Variants in LRRC2 observed in about 807,000 individuals in gnomAD.
LRRC2 encodes the protein leucine rich repeat containing 2, also known as leucine-rich repeat-containing protein 2.
In LRRC2, 27 loss-of-function variants were observed where a neutral mutation model predicts 40.2. That is an observed-to-expected ratio of 0.67 (90% CI 0.49 to 0.93). The LOEUF is 0.93. Among genes scored for constraint, LRRC2 ranks in the 40% least tolerant of loss-of-function variants. The pLI is 0.00. For synonymous variants in LRRC2, 147 were observed against 158.9 expected (o/e 0.92, Z 0.56); for missense variants, 402 against 439.6 (o/e 0.91, Z 0.76).
intron 8 of LRRC2, 84 bp from the exon 9 acceptor site, chr3:46,519,147 T>A: frequency 2.2e-6 from 2 of 892,814 alleles, no homozygotes; most frequent in Non-Finnish European, 3.8e-6. Flanking sequence ...ACATAATGAA[T>A]GTATGTCAAT....
At chr3:46,531,885 G>T (rs1385807899) in intron 5 of LRRC2, among the ~76,000 whole-genome samples, 1 of 152,138 alleles carries the variant, frequency 6.6e-6, no homozygotes, top group Non-Finnish European at 1.5e-5. Context: ...ATTACCAGTA[G>T]GATTGTGAGA....
chr3:46,551,751 C>CTTTTTTTTTTTTTTTTTTTTTTTTT (rs748541390), intron 1 of LRRC2, 141 bp from the exon 2 acceptor site: 1 of 133,972 alleles, frequency 7.5e-6, no homozygotes, highest in African/African-American at 5.3e-5. Flanking sequence ...TGACAGTTTG[C>CTTTTTTTTTTTTTTTTTTTTTTTTT]TTTTTTTTTT....
chr3:46,551,751 C>CT (rs748541390), intron 1 of LRRC2, 141 bp from the exon 2 acceptor site: 30,751 of 137,894 alleles, frequency 0.22, 4,642 homozygotes, highest in African/African-American at 0.36. Context: ...TGACAGTTTG[C>CT]TTTTTTTTTT....
chr3:46,537,016 C>A (rs1704280754), intron 4 of LRRC2, among the ~76,000 whole-genome samples: 1 of 152,188 alleles, frequency 6.6e-6, no homozygotes, highest in South Asian at 2.1e-4. Context: ...TTGCTGCCAA[C>A]CACTGGATTC....
intron 1 of LRRC2, among the ~76,000 whole-genome samples, chr3:46,562,440 A>AT (rs1244441665): frequency 6.6e-6 from 1 of 152,204 alleles, no homozygotes; most frequent in Non-Finnish European, 1.5e-5. Context: ...GAGATAATAA[A>AT]TGTGTGTTAT....
chr3:46,541,372 A>G (rs1704388173), intron 3 of LRRC2, among the ~76,000 whole-genome samples: 1 of 151,940 alleles, frequency 6.6e-6, no homozygotes. Context: ...AAATATTAGG[A>G]TATCAAATGA....
intron 4 of LRRC2, among the ~76,000 whole-genome samples, chr3:46,537,292 G>T (rs920373645): frequency 2.6e-5 from 4 of 152,156 alleles, no homozygotes; most frequent in African/African-American, 9.7e-5. Context: ...TAGAGATGGG[G>T]TTTTGCCATG....
At chr3:46,558,398 T>C (rs1279430219) in intron 1 of LRRC2, 1 of 152,246 alleles carries the variant, frequency 6.6e-6, no homozygotes, top group Admixed American at 6.5e-5. Flanking sequence ...AATTCCAACC[T>C]GCCTTCTGTG....
At chr3:46,537,846 G>A (rs576539380) in intron 4 of LRRC2, among the ~76,000 whole-genome samples, 17 of 152,340 alleles carry the variant, frequency 1.1e-4, no homozygotes, top group African/African-American at 3.4e-4. Flanking sequence ...GATGTGAGTT[G>A]CACTTACAGC....
At chr3:46,539,297 A>G in intron 3 of LRRC2, 96 bp from the exon 4 acceptor site, 1 of 1,193,172 alleles carries the variant, frequency 8.4e-7, no homozygotes, top group Non-Finnish European at 1.2e-6. Flanking sequence ...GAAGTGAGAA[A>G]GCAGACACGA....
At chr3:46,538,215 C>T (rs1575351432) in intron 4 of LRRC2, among the ~76,000 whole-genome samples, 1 of 152,262 alleles carries the variant, frequency 6.6e-6, no homozygotes, top group Non-Finnish European at 1.5e-5. Flanking sequence ...GAATGGAGCT[C>T]CATGCAGCTC....
At chr3:46,545,347 C>T (rs1704503228) in intron 2 of LRRC2, 94 bp from the exon 3 acceptor site, 2 of 1,033,898 alleles carry the variant, frequency 1.9e-6, no homozygotes, top group East Asian at 5.1e-5. Context: ...TAGGTGCTCT[C>T]CTTGTCATTC....
In LRRC2 at chr3:46,545,148, G is replaced by A; in HGVS notation, c.231C>T (p.Asp77=). 3.1e-6 allele frequency: 5 copies of A among 1,614,146 alleles called. No individual in the cohort carries two copies. Among genetic ancestry groups the A allele is most frequent in the Non-Finnish European group, 4.2e-6 (5 of 1,180,036 alleles). The change falls in exon 3 of 9, where the codon GAC becomes GAT. Residue 77 remains aspartate, a synonymous_variant. Transcript: ENST00000395905. ...GFIDTSVRLL[D]KIERNTLTRQ... ...TTGTGAGAGTGTTCCTTTCAATCTT[G>A]TCCAGAAGCCGCACGCTGGTGTCTA...
rs1703967284 is a variant in LRRC2 at position 46,521,677 on chromosome 3, G to A, written c.930-19C>T. On this transcript the variant is annotated intron_variant, in intron 7 of 8. Transcript: ENST00000395905. ...TACAAATCTATTCGAGAAAGCATGG[G>A]AAGTATCACATTATCACCTGTGCGT... 1 of 1,601,194 alleles carries A rather than the reference G, an allele frequency of 6.2e-7. No individual in the cohort carries two copies. The highest frequency in any genetic ancestry group is 8.5e-7 in the Non-Finnish European group (1 of 1,176,060).
At chr3:46,538,008 T>C (rs1335929184) in intron 4 of LRRC2, among the ~76,000 whole-genome samples, 1 of 152,184 alleles carries the variant, frequency 6.6e-6, no homozygotes, top group Non-Finnish European at 1.5e-5. Flanking sequence ...TCCTCATCCC[T>C]CAAGGTTAGT....
intron 1 of LRRC2, chr3:46,557,597 T>G (rs1053860130): frequency 6.6e-6 from 1 of 152,246 alleles, no homozygotes; most frequent in Admixed American, 6.5e-5. Context: ...GTCTTTTTAT[T>G]TCTAAAATTT....
rs773032182 is a variant in LRRC2 at position 46,545,053 on chromosome 3, T to C, written c.326A>G (p.His109Arg). 6.2e-7 allele frequency: 1 copy of C among 1,612,412 alleles called. No homozygotes were observed. The highest frequency in any genetic ancestry group is 1.3e-5 in the African/African-American group (1 of 74,880). Residue 109 changes from histidine (H) to arginine (R), a missense_variant, in exon 3 of 9, where the codon CAC (histidine) becomes CGC (arginine). By Grantham distance (29) the His-to-Arg change is conservative. Transcript: ENST00000395905. ...SAFVFELSGE[H>R]WTELPDSLKE... ...AGAACTGCCTCGACTCACCGTCCAG[T>C]GCTCCCCAGAAAGTTCAAACACAAA... is the stretch of plus-strand genomic sequence containing the variant.
At chr3:46,538,121 A>C (rs1239818687) in intron 4 of LRRC2, among the ~76,000 whole-genome samples, 1 of 152,178 alleles carries the variant, frequency 6.6e-6, no homozygotes, top group East Asian at 1.9e-4. Context: ...GAGGCTCCAC[A>C]AGCCACCTGT....
chr3:46,532,464 A>G (rs1363825467), intron 5 of LRRC2, among the ~76,000 whole-genome samples: 2 of 152,044 alleles, frequency 1.3e-5, no homozygotes, highest in Admixed American at 1.3e-4. Flanking sequence ...AATTAGCCAG[A>G]CGTGGTGGTG....
Sources: gnomAD v4.1 joint callset for allele counts (sites outside exome capture counted in the v4.1 genomes callset) on GRCh38, gnomAD v4.1.1 for gene constraint, MANE v1.5 for transcripts, NCBI Gene and HGNC (gene_info 2026-07-23, HGNC 2026-07-21) for gene names.